The following FANCB variants were observed in gnomAD, a reference collection of about 807,000 sequenced individuals.
The protein encoded by FANCB is FA complementation group B.
A neutral mutation model predicts 38.9 loss-of-function variants in FANCB; 5 were observed. That is an observed-to-expected ratio of 0.13 (90% CI 0.07 to 0.27). FANCB has a LOEUF of 0.27. FANCB is among the 10% of genes least tolerant of loss of function. The probability of loss-of-function intolerance (pLI) is 1.00; values close to 1 mark genes in which losing one functional copy is unlikely to be tolerated. For synonymous variants in FANCB, 236 were observed against 215.4 expected (o/e 1.10, Z -0.84); for missense variants, 573 against 602.7 (o/e 0.95, Z 0.52).
chrX:14,836,003 C>A (rs1429492371), exon 11 of FANCB: 1 of 111,849 alleles, frequency 8.9e-6, no homozygotes, highest in African/African-American at 3.3e-5. Flanking sequence ...TTCACAACAG[C>A]CAAGAAGTGG....
chrX:14,720,004 T>A, the FANCB span, among the ~76,000 whole-genome samples: 1 of 110,612 alleles, frequency 9.0e-6, no homozygotes, highest in Non-Finnish European at 1.9e-5. Context: ...CTCATAGAGG[T>A]AGAGGGTAGA....
the FANCB span, among the ~76,000 whole-genome samples, chrX:14,765,081 T>G: frequency 8.9e-6 from 1 of 112,281 alleles, no homozygotes; most frequent in African/African-American, 3.2e-5. Flanking sequence ...AAATTTTTCA[T>G]TGTCTATCTG....
chrX:14,714,133 C>A, the FANCB span, among the ~76,000 whole-genome samples: 1 of 110,666 alleles, frequency 9.0e-6, no homozygotes, highest in African/African-American at 3.3e-5. Context: ...TTTCCTGATA[C>A]TAGATATATT....
At chrX:14,808,497 T>C in the FANCB span, among the ~76,000 whole-genome samples, 4 of 112,023 alleles carry the variant, frequency 3.6e-5, no homozygotes, top group Admixed American at 2.8e-4. Flanking sequence ...AAAAAAGCAT[T>C]TGATAAAATT....
chrX:14,809,896 C>T, the FANCB span, among the ~76,000 whole-genome samples: 1 of 112,302 alleles, frequency 8.9e-6, no homozygotes, highest in African/African-American at 3.2e-5. Context: ...GGTCACTGAC[C>T]CCTGACCCCC....
the FANCB span, among the ~76,000 whole-genome samples, chrX:14,791,179 A>G: frequency 8.9e-6 from 1 of 111,883 alleles, no homozygotes; most frequent in Non-Finnish European, 1.9e-5. Flanking sequence ...ACCTAATCCT[A>G]TCTCAGAATG....
the FANCB span, among the ~76,000 whole-genome samples, chrX:14,709,740 T>C: frequency 8.9e-6 from 1 of 111,805 alleles, no homozygotes; most frequent in Admixed American, 9.5e-5. Context: ...AGTCCAATGC[T>C]CTACCTCTGA....
At chrX:14,743,417 C>A in the FANCB span, among the ~76,000 whole-genome samples, 1 of 111,215 alleles carries the variant, frequency 9.0e-6, no homozygotes, top group Non-Finnish European at 1.9e-5. Flanking sequence ...AAGATTCAAA[C>A]CCAGGCAATG....
At chrX:14,710,998 C>T in the FANCB span, among the ~76,000 whole-genome samples, 1 of 112,366 alleles carries the variant, frequency 8.9e-6, no homozygotes, top group Non-Finnish European at 1.9e-5. Context: ...AAAGTTCATC[C>T]TCATATAGAG....
the FANCB span, among the ~76,000 whole-genome samples, chrX:14,743,332 C>A: frequency 1.8e-5 from 2 of 111,493 alleles, no homozygotes; most frequent in Non-Finnish European, 3.8e-5. Context: ...GAAAACTATT[C>A]CATGGATGAG....
chrX:14,801,385 T>C, the FANCB span, among the ~76,000 whole-genome samples: 4 of 112,153 alleles, frequency 3.6e-5, no homozygotes, highest in African/African-American at 6.5e-5. Context: ...CCTCTGGGGA[T>C]GTGGCCCATC....
At chrX:14,862,865 G>A (rs1051165160) in intron 3 of FANCB, among the ~76,000 whole-genome samples, 1 of 111,817 alleles carries the variant, frequency 8.9e-6, no homozygotes, top group Non-Finnish European at 1.9e-5. Context: ...CCCAGGGTAC[G>A]TGTGTTCTTT....
the FANCB span, among the ~76,000 whole-genome samples, chrX:14,700,761 T>C: frequency 9.1e-6 from 1 of 110,086 alleles, no homozygotes; most frequent in South Asian, 4.0e-4. Context: ...AGGAGGCATA[T>C]AGGCCATGGA....
intron 7 of FANCB, among the ~76,000 whole-genome samples, chrX:14,846,524 A>T (rs1354770241): frequency 1.8e-5 from 2 of 112,075 alleles, no homozygotes; most frequent in East Asian, 5.6e-4. Context: ...TTAGAATACC[A>T]CCATGTTATA....
chrX:14,718,409 G>C, the FANCB span, among the ~76,000 whole-genome samples: 1 of 112,256 alleles, frequency 8.9e-6, no homozygotes. Context: ...TATTGAAAGT[G>C]TAATATTTGG....
chrX:14,756,646 C>T, the FANCB span, among the ~76,000 whole-genome samples: 1 of 111,717 alleles, frequency 9.0e-6, no homozygotes, highest in Non-Finnish European at 1.9e-5. Context: ...CTCCTTGCTC[C>T]TGTTACCCAA....
the FANCB span, among the ~76,000 whole-genome samples, chrX:14,775,165 T>TTG: frequency 1.4e-5 from 1 of 69,556 alleles, no homozygotes; most frequent in Admixed American, 1.6e-4. Flanking sequence ...CTAATGTTTT[T>TTG]TTTTTTTTTT....
the FANCB span, among the ~76,000 whole-genome samples, chrX:14,713,925 ATTG>A: frequency 9.0e-6 from 1 of 111,216 alleles, no homozygotes; most frequent in African/African-American, 3.3e-5. Flanking sequence ...AATAGACACT[ATTG>A]TTGGGAGGAC....
the FANCB span, among the ~76,000 whole-genome samples, chrX:14,823,719 G>A: frequency 1.7e-4 from 19 of 111,817 alleles, no homozygotes; most frequent in Non-Finnish European, 3.2e-4. Flanking sequence ...AGATTTTTAA[G>A]ATATAGTTTG....
Sources: allele counts gnomAD v4.1 joint callset (sites outside exome capture counted in the v4.1 genomes callset), GRCh38; gene constraint gnomAD v4.1.1; transcripts MANE v1.5; gene names NCBI Gene and HGNC (gene_info 2026-07-23, HGNC 2026-07-21).